The following GSG1L variants were observed in gnomAD, a reference collection of about 807,000 sequenced individuals.
GSG1L encodes the protein GSG1 like.
GSG1L carries 24 observed loss-of-function variants against 42.1 expected under a neutral mutation model. That is an observed-to-expected ratio of 0.57 (90% CI 0.41 to 0.80). GSG1L has a LOEUF of 0.80. Among genes scored for constraint, GSG1L ranks in the 30% least tolerant of loss-of-function variants. GSG1L has a pLI of 0.00. For missense variants in GSG1L, 445 were observed against 472.2 expected (o/e 0.94, Z 0.53); for synonymous variants, 215 against 203.5 (o/e 1.06, Z -0.48).
intron 1 of GSG1L, among the ~76,000 whole-genome samples, chr16:28,062,793 G>A (rs1244511468): frequency 6.6e-6 from 1 of 152,130 alleles, no homozygotes; most frequent in Non-Finnish European, 1.5e-5. Flanking sequence ...GCGCCTTCCC[G>A]GGGCGCGGGA....
intron 2 of GSG1L, among the ~76,000 whole-genome samples, chr16:27,946,620 A>G (rs1361568725): frequency 7.9e-5 from 2 of 25,242 alleles, no homozygotes; most frequent in African/African-American, 1.3e-4. Context: ...AGAGAGAGAG[A>G]GAGAGAGAGA....
At chr16:27,857,370 G>C (rs1411780313) in intron 3 of GSG1L, among the ~76,000 whole-genome samples, 1 of 150,660 alleles carries the variant, frequency 6.6e-6, no homozygotes. Flanking sequence ...AGAGGTTGCA[G>C]TGAGCCAAGA....
At chr16:27,870,372 ACT>A (rs1391065319) in intron 3 of GSG1L, among the ~76,000 whole-genome samples, 1 of 59,742 alleles carries the variant, frequency 1.7e-5, no homozygotes, top group Non-Finnish European at 3.6e-5. Context: ...CTCGTCCATC[ACT>A]CTCTCTTTCT....
intron 3 of GSG1L, among the ~76,000 whole-genome samples, chr16:27,858,663 T>C (rs566181370): frequency 1.3e-5 from 2 of 152,276 alleles, no homozygotes; most frequent in African/African-American, 4.8e-5. Context: ...ATTTAAAAAT[T>C]CAGAATTTAG....
At chr16:27,813,520 C>T (rs946432428) in intron 5 of GSG1L, among the ~76,000 whole-genome samples, 8 of 152,336 alleles carry the variant, frequency 5.3e-5, no homozygotes, top group African/African-American at 1.9e-4. Flanking sequence ...ATGTGAAGAG[C>T]GCTGCTGACC....
intron 1 of GSG1L, among the ~76,000 whole-genome samples, chr16:28,056,757 C>T (rs954419654): frequency 2.6e-5 from 4 of 151,926 alleles, no homozygotes; most frequent in Admixed American, 2.6e-4. Flanking sequence ...ACGATGTGAC[C>T]GGGACAAGGC....
chr16:27,841,494 G>A (rs1031867087), intron 4 of GSG1L, among the ~76,000 whole-genome samples: 2 of 152,218 alleles, frequency 1.3e-5, no homozygotes, highest in African/African-American at 2.4e-5. Context: ...AGACAGAGGT[G>A]GGTGCCATCT....
intron 1 of GSG1L, among the ~76,000 whole-genome samples, chr16:28,027,875 C>T (rs2085917397): frequency 6.6e-6 from 1 of 152,054 alleles, no homozygotes; most frequent in Non-Finnish European, 1.5e-5. Flanking sequence ...ACAAAAATTG[C>T]CAGGCATAGT....
At chr16:27,924,042 A>G (rs1000539791) in intron 2 of GSG1L, among the ~76,000 whole-genome samples, 1 of 152,148 alleles carries the variant, frequency 6.6e-6, no homozygotes, top group Non-Finnish European at 1.5e-5. Flanking sequence ...TGTGAGGATT[A>G]CTTCAGTTTC....
intron 1 of GSG1L, among the ~76,000 whole-genome samples, chr16:27,987,214 C>G (rs2085395219): frequency 1.7e-5 from 1 of 59,748 alleles, no homozygotes; most frequent in African/African-American, 5.9e-5. Context: ...TGAACTCCGT[C>G]TCAAAAAAAA....
intron 1 of GSG1L, among the ~76,000 whole-genome samples, chr16:28,028,978 C>T (rs967803841): frequency 6.6e-6 from 1 of 152,184 alleles, no homozygotes; most frequent in Non-Finnish European, 1.5e-5. Context: ...GAGGGTGATG[C>T]ATGGCAGGGC....
At chr16:27,846,319 G>A (rs996244446) in intron 3 of GSG1L, among the ~76,000 whole-genome samples, 10 of 152,126 alleles carry the variant, frequency 6.6e-5, no homozygotes, top group African/African-American at 1.7e-4. Flanking sequence ...CCCAGAAGCT[G>A]TTCCTGCTCA....
chr16:28,044,240 G>C (rs1345091826), intron 1 of GSG1L, among the ~76,000 whole-genome samples: 1 of 152,202 alleles, frequency 6.6e-6, no homozygotes, highest in South Asian at 2.1e-4. Flanking sequence ...AGCCAGGCAT[G>C]GTGGCACACG....
At chr16:27,910,655 C>T (rs1383368889) in intron 2 of GSG1L, among the ~76,000 whole-genome samples, 1 of 152,176 alleles carries the variant, frequency 6.6e-6, no homozygotes, top group African/African-American at 2.4e-5. Flanking sequence ...CAAACACACA[C>T]AGGTACAAAA....
At chr16:27,915,168 G>A (rs868156604) in intron 2 of GSG1L, among the ~76,000 whole-genome samples, 14 of 149,382 alleles carry the variant, frequency 9.4e-5, no homozygotes, top group Admixed American at 2.0e-4. Context: ...GGATGAGGGA[G>A]CAGAGGTGTC....
chr16:27,791,402 G>C lies in GSG1L; in HGVS notation c.964C>G (p.Arg322Gly). 6.6e-7 allele frequency: 1 copy of C among 1,516,414 alleles called. No individual in the cohort carries two copies. Among genetic ancestry groups the C allele is most frequent in the South Asian group, 1.3e-5 (1 of 77,636 alleles). The allele number at this position is 1,516,414 out of a possible 1,614,324, so 93.9% of individuals were successfully genotyped here. Residue 322 changes from arginine to glycine, a missense_variant, in exon 7 of 7, where the codon CGA (arginine) becomes GGA (glycine). By Grantham distance (125) the Arg-to-Gly change is moderately radical. Coordinates refer to ENST00000447459, the MANE Select transcript of GSG1L (RefSeq NM_001109763.2). ...CAGTGCCCCAAGACCCAGCACTGTC[G>C]GTTCAGCTCTGGTGCTTCCTGTGCG... ...SSAQEAPELN[R>G]QCWVLGHWV
At chr16:27,863,208 C>T (rs2083675595) in intron 3 of GSG1L, 1 of 152,074 alleles carries the variant, frequency 6.6e-6, no homozygotes, top group Non-Finnish European at 1.5e-5. Flanking sequence ...CCTATAATTT[C>T]CTTATTTGCT....
intron 5 of GSG1L, among the ~76,000 whole-genome samples, chr16:27,825,171 G>T (rs969759305): frequency 6.6e-6 from 1 of 152,194 alleles, no homozygotes; most frequent in African/African-American, 2.4e-5. Context: ...GCATGAGGGA[G>T]CCAGGGCTGA....
intron 3 of GSG1L, among the ~76,000 whole-genome samples, chr16:27,876,026 T>C (rs944138383): frequency 6.6e-6 from 1 of 152,144 alleles, no homozygotes; most frequent in Non-Finnish European, 1.5e-5. Flanking sequence ...CATGATCCCC[T>C]TTTTTCCCTC....
Sources: gnomAD v4.1 joint callset for allele counts (sites outside exome capture counted in the v4.1 genomes callset) on GRCh38, gnomAD v4.1.1 for gene constraint, MANE v1.5 for transcripts, NCBI Gene and HGNC (gene_info 2026-07-23, HGNC 2026-07-21) for gene names.